The following KCNIP3 variants were observed in gnomAD, a reference collection of about 807,000 sequenced individuals.
KCNIP3 encodes calsenilin.
In KCNIP3, 28 loss-of-function variants were observed where a neutral mutation model predicts 35.0. The ratio of observed to expected loss-of-function variants is 0.80; its 90% CI spans 0.59 to 1.10. The LOEUF (loss-of-function observed/expected upper bound fraction) is 1.10, where lower values mean the gene tolerates loss of function less well. Ranked by LOEUF, KCNIP3 falls within the 50% of genes least tolerant of loss-of-function variation. The probability of loss-of-function intolerance (pLI) is 0.00; values close to 1 mark genes in which losing one functional copy is unlikely to be tolerated. For missense variants in KCNIP3, 295 were observed against 338.4 expected (o/e 0.87, Z 1.01); for synonymous variants, 134 against 133.8 (o/e 1.00, Z -0.01).
chr2:95,347,946 C>A (rs552537034), intron 2 of KCNIP3, among the ~76,000 whole-genome samples: 1 of 152,250 alleles, frequency 6.6e-6, no homozygotes, highest in Non-Finnish European at 1.5e-5. Context: ...AGCGAGCTTG[C>A]CCCTGCCTGG....
chr2:95,310,819 A>G (rs1394182100), intron 2 of KCNIP3: 6 of 439,884 alleles, frequency 1.4e-5, no homozygotes, highest in Non-Finnish European at 2.5e-5. Flanking sequence ...CCAACAAACC[A>G]GGCTCCACCC....
intron 2 of KCNIP3, among the ~76,000 whole-genome samples, chr2:95,354,423 A>C (rs1319705286): frequency 6.6e-6 from 1 of 152,162 alleles, no homozygotes; most frequent in Non-Finnish European, 1.5e-5. Flanking sequence ...CCCTACCTTT[A>C]CAGTAGCTCT....
chr2:95,328,222 C>T (rs549988491), intron 2 of KCNIP3, among the ~76,000 whole-genome samples: 3 of 152,322 alleles, frequency 2.0e-5, no homozygotes, highest in East Asian at 1.9e-4. Flanking sequence ...ACTCTCCCCC[C>T]TCCCCCGGCC....
intron 2 of KCNIP3, among the ~76,000 whole-genome samples, chr2:95,360,745 G>C (rs747750885): frequency 2.0e-5 from 3 of 151,534 alleles, no homozygotes; most frequent in Non-Finnish European, 4.4e-5. Flanking sequence ...CAGACAGACA[G>C]AGAGAGAGAG....
At chr2:95,317,553 G>A (rs1328348670) in intron 2 of KCNIP3, among the ~76,000 whole-genome samples, 1 of 152,220 alleles carries the variant, frequency 6.6e-6, no homozygotes, top group African/African-American at 2.4e-5. Context: ...TCCCCGGAAA[G>A]GCTGGGAGAG....
At chr2:95,330,261 G>T (rs1678893658) in intron 2 of KCNIP3, among the ~76,000 whole-genome samples, 1 of 152,172 alleles carries the variant, frequency 6.6e-6, no homozygotes, top group Admixed American at 6.5e-5. Context: ...CCCTGGACAG[G>T]CCTCAGCCCA....
intron 1 of KCNIP3, among the ~76,000 whole-genome samples, chr2:95,308,054 GCATGTGTGCTTGTGTGTGCATATGAA>G (rs1173144805): frequency 6.6e-6 from 1 of 152,180 alleles, no homozygotes; most frequent in East Asian, 1.9e-4. Flanking sequence ...GTGTGCCTAT[GCATGTGTGCTTGTGTGTGCATATGAA>G]CATGTGTACT....
chr2:95,331,006 C>T lies in KCNIP3; in HGVS notation c.181+20486C>T, dbSNP rs571200336. On this transcript the variant is annotated intron_variant, in intron 2 of 8. Coordinates refer to ENST00000295225, the MANE Select transcript of KCNIP3 (RefSeq NM_013434.5). ...GGCACATGGCGTTCAAATACAGATC[C>T]GAGGGGTGAGGGAGAGTGAAAGGGA... Among the ~76,000 whole-genome samples the T allele has an allele frequency of 3.9e-5, 6 of 152,208 alleles. No homozygotes were observed. In the East Asian group the frequency reaches 5.8e-4, roughly 15 times the overall value.
At chr2:95,299,632 G>A (rs985021649) in intron 1 of KCNIP3, among the ~76,000 whole-genome samples, 10 of 152,366 alleles carry the variant, frequency 6.6e-5, no homozygotes, top group East Asian at 3.9e-4. Flanking sequence ...CGAAAGACCC[G>A]CAGTTTCTGC....
At chr2:95,370,536 T>C (rs1177284004) in intron 2 of KCNIP3, among the ~76,000 whole-genome samples, 2 of 152,256 alleles carry the variant, frequency 1.3e-5, no homozygotes, top group African/African-American at 4.8e-5. Context: ...TTTCCTGTGC[T>C]TATTGGCCAG....
chr2:95,330,168 G>C (rs1678890608), intron 2 of KCNIP3, among the ~76,000 whole-genome samples: 1 of 152,220 alleles, frequency 6.6e-6, no homozygotes, highest in Admixed American at 6.5e-5. Flanking sequence ...GGCTCCCCAG[G>C]GTGCCCTGAA....
At chr2:95,310,605 G>A (rs1456882346) in intron 2 of KCNIP3, 85 bp downstream of exon 2, 1 of 1,494,198 alleles carries the variant, frequency 6.7e-7, no homozygotes, top group East Asian at 2.3e-5. Context: ...TCAAAGGCCA[G>A]CCTGGGACCC....
Position 95,345,706 on chromosome 2 carries a change from G to A in KCNIP3, c.182-28590G>A, listed in dbSNP as rs571552622. On this transcript the variant is annotated intron_variant, in intron 2 of 8. Transcript: ENST00000295225. ...ATGCCCACAGTGCGCCGCGCCCGCTGGAGGGCAGCAGAGGGCCAGGCTCCC... is the reference window on the plus strand; with the variant it reads ...ATGCCCACAGTGCGCCGCGCCCGCTAGAGGGCAGCAGAGGGCCAGGCTCCC... 5.9e-5 allele frequency among the ~76,000 whole-genome samples: 9 copies of A among 152,368 alleles called. No individual in the cohort carries two copies. The East Asian group carries it at 1.7e-3, about 29-fold the overall frequency.
At chr2:95,368,546 G>T in intron 2 of KCNIP3, 1 of 365,914 alleles carries the variant, frequency 2.7e-6, no homozygotes, top group East Asian at 5.3e-5. Context: ...AAATTAAGTG[G>T]GAGTCATAAC....
intron 2 of KCNIP3, among the ~76,000 whole-genome samples, chr2:95,327,288 T>A (rs572754762): frequency 5.3e-5 from 8 of 152,316 alleles, no homozygotes; most frequent in Middle Eastern, 3.4e-3. Context: ...AGGACCTCAT[T>A]GTCCCCTTGC....
chr2:95,359,370 G>C (rs767981281), intron 2 of KCNIP3, among the ~76,000 whole-genome samples: 1 of 152,192 alleles, frequency 6.6e-6, no homozygotes, highest in Non-Finnish European at 1.5e-5. Flanking sequence ...AAGAAAAAAG[G>C]GGGTAACTGG....
intron 2 of KCNIP3, among the ~76,000 whole-genome samples, chr2:95,363,313 A>G (rs1679845698): frequency 6.6e-6 from 1 of 152,190 alleles, no homozygotes; most frequent in African/African-American, 2.4e-5. Context: ...GAAGGAGTCT[A>G]GATTGTTTTC....
At chr2:95,353,292 A>G (rs1286706262) in intron 2 of KCNIP3, among the ~76,000 whole-genome samples, 1 of 152,214 alleles carries the variant, frequency 6.6e-6, no homozygotes, top group Non-Finnish European at 1.5e-5. Context: ...AACTGATCCC[A>G]GAGGAAGAGC....
chr2:95,349,295 G>A (rs1192375496), intron 2 of KCNIP3, among the ~76,000 whole-genome samples: 1 of 152,208 alleles, frequency 6.6e-6, no homozygotes, highest in East Asian at 1.9e-4. Context: ...GAAGGGGACT[G>A]TTGCCCCAGC....
Sources: gnomAD v4.1 joint callset for allele counts (sites outside exome capture counted in the v4.1 genomes callset) on GRCh38, gnomAD v4.1.1 for gene constraint, MANE v1.5 for transcripts, NCBI Gene and HGNC (gene_info 2026-07-23, HGNC 2026-07-21) for gene names.